TMPRSS11D: variants seen among roughly 807,000 people sequenced by gnomAD.
TMPRSS11D encodes the protein transmembrane protease serine 11D.
Under a neutral mutation model 44.4 loss-of-function variants are expected in TMPRSS11D, and 32 were observed. That is an observed-to-expected ratio of 0.72 (90% CI 0.54 to 0.97). TMPRSS11D has a LOEUF of 0.97. Among genes scored for constraint, TMPRSS11D ranks in the 50% least tolerant of loss-of-function variants. TMPRSS11D has a pLI of 0.00. For missense variants in TMPRSS11D, 446 were observed against 502.6 expected, an observed-to-expected ratio of 0.89 and a Z score of 1.08; for synonymous variants, 179 against 177.9, an observed-to-expected ratio of 1.01 and a Z score of -0.05.
chr4:67,871,327 G>C (rs1327977254), intron 1 of TMPRSS11D, among the ~76,000 whole-genome samples: 1 of 152,152 alleles, frequency 6.6e-6, no homozygotes, highest in East Asian at 1.9e-4. Context: ...TTCAGATGCT[G>C]TTTCTGATCC....
intron 3 of TMPRSS11D, among the ~76,000 whole-genome samples, chr4:67,850,709 A>G (rs961098122): frequency 5.3e-5 from 8 of 152,204 alleles, no homozygotes; most frequent in African/African-American, 1.4e-4. Context: ...TATGCCTCCA[A>G]CGGGAGCTGT....
chr4:67,857,777 G>T (rs189716695), intron 2 of TMPRSS11D, among the ~76,000 whole-genome samples: 1 of 151,914 alleles, frequency 6.6e-6, no homozygotes, highest in South Asian at 2.1e-4. Flanking sequence ...TTAGATAAAT[G>T]GTATAAGTTT....
chr4:67,882,617 C>T (rs1401503426), intron 1 of TMPRSS11D, among the ~76,000 whole-genome samples: 1 of 151,908 alleles, frequency 6.6e-6, no homozygotes, highest in East Asian at 1.9e-4. Context: ...CTTATAAGGG[C>T]AATATTTTAA....
chr4:67,854,374 A>G (rs544014865), intron 2 of TMPRSS11D, among the ~76,000 whole-genome samples, 188 bp from the exon 3 acceptor site: 1 of 152,320 alleles, frequency 6.6e-6, no homozygotes, highest in South Asian at 2.1e-4. Flanking sequence ...AGATTGGCAA[A>G]GCCAGAGTGG....
Position 67,866,423 on chromosome 4 carries a change from G to A in TMPRSS11D, c.9-6745C>T, listed in dbSNP as rs911453984. Among the ~76,000 whole-genome samples the A allele has an allele frequency of 5.9e-5, 9 of 151,890 alleles. 1 individual carries two copies. The highest frequency in any genetic ancestry group is 3.9e-4 in the Admixed American group (6 of 15,246). On this transcript the variant is annotated intron_variant, in intron 1 of 9. Transcript: ENST00000283916. ...AGGGAAAAGTTGAAAGCATTCCACC[G>A]AAGAATTGGAACAAGGCAAGGATGA...
chr4:67,880,348 T>C (rs1219722784), intron 1 of TMPRSS11D, among the ~76,000 whole-genome samples: 1 of 152,158 alleles, frequency 6.6e-6, no homozygotes, highest in Non-Finnish European at 1.5e-5. Context: ...GGCAATAGGT[T>C]TAGACAGATC....
At chr4:67,879,207 C>G (rs1227784984) in intron 1 of TMPRSS11D, among the ~76,000 whole-genome samples, 2 of 151,942 alleles carry the variant, frequency 1.3e-5, no homozygotes, top group Non-Finnish European at 2.9e-5. Flanking sequence ...TAAGGCTGGG[C>G]GCAGTGGCTC....
intron 4 of TMPRSS11D, among the ~76,000 whole-genome samples, chr4:67,841,089 G>A (rs1361604554): frequency 6.6e-6 from 1 of 152,100 alleles, no homozygotes; most frequent in Non-Finnish European, 1.5e-5. Context: ...AAATAAAGAA[G>A]CAGTCATACT....
At position 67,874,549 on chromosome 4, in the gene TMPRSS11D, A is replaced by G. The variant is rs187074914; in HGVS notation, c.8+9377T>C. Among the ~76,000 whole-genome samples the G allele has an allele frequency of 8.5e-5, 13 of 152,270 alleles. No individual in the cohort carries two copies. In the East Asian group the frequency reaches 2.3e-3, roughly 27 times the overall value. ...CCTCTATAGATAGACCTAAACCATA[A>G]CATTGGTTACAGTGTTAAAAATGTT... is the stretch of plus-strand genomic sequence containing the variant. On this transcript the variant is annotated intron_variant, in intron 1 of 9. Transcript: ENST00000283916.
intron 2 of TMPRSS11D, among the ~76,000 whole-genome samples, chr4:67,856,763 A>G (rs1274551445): frequency 1.3e-5 from 2 of 152,154 alleles, no homozygotes; most frequent in African/African-American, 4.8e-5. Flanking sequence ...CAGAATATAC[A>G]AGGACTCAAA....
At chr4:67,840,409 A>G (rs1213668116) in intron 4 of TMPRSS11D, among the ~76,000 whole-genome samples, 1 of 152,134 alleles carries the variant, frequency 6.6e-6, no homozygotes, top group Non-Finnish European at 1.5e-5. Flanking sequence ...GTTCAAGATG[A>G]GATTTTAGTG....
At chr4:67,835,354 G>A (rs1718052586) in intron 5 of TMPRSS11D, among the ~76,000 whole-genome samples, 1 of 152,022 alleles carries the variant, frequency 6.6e-6, no homozygotes, top group African/African-American at 2.4e-5. Context: ...TTGTTGTTAT[G>A]CATACTAAAG....
At chr4:67,858,672 A>T (rs1425563969) in intron 2 of TMPRSS11D, among the ~76,000 whole-genome samples, 2 of 152,088 alleles carry the variant, frequency 1.3e-5, no homozygotes, top group Non-Finnish European at 2.9e-5. Context: ...ACACATACCC[A>T]TGTACACACC....
At chr4:67,854,007 T>A in intron 3 of TMPRSS11D, 61 bp downstream of exon 3, 2 of 985,846 alleles carry the variant, frequency 2.0e-6, no homozygotes, top group South Asian at 3.3e-5. Context: ...TACAAAACAT[T>A]AGGTTTATTA....
intron 9 of TMPRSS11D, among the ~76,000 whole-genome samples, chr4:67,825,448 T>TAA (rs3037021): frequency 0.81 from 122,641 of 151,708 alleles, 50,224 homozygotes; most frequent in Middle Eastern, 0.91. Flanking sequence ...AGCTTTTAGT[T>TAA]AGAGACTTGG....
chr4:67,863,797 G>T (rs895774366), intron 1 of TMPRSS11D, among the ~76,000 whole-genome samples: 2 of 152,010 alleles, frequency 1.3e-5, no homozygotes, highest in Non-Finnish European at 2.9e-5. Context: ...AAATAAAATG[G>T]TGTATATACC....
intron 2 of TMPRSS11D, among the ~76,000 whole-genome samples, chr4:67,856,679 A>C (rs1718642894): frequency 1.3e-5 from 2 of 152,308 alleles, no homozygotes; most frequent in South Asian, 4.1e-4. Flanking sequence ...GGAAACAAGC[A>C]ACAGAATGGA....
intron 4 of TMPRSS11D, among the ~76,000 whole-genome samples, chr4:67,839,882 C>G (rs1344902366): frequency 6.6e-6 from 1 of 151,072 alleles, no homozygotes; most frequent in East Asian, 1.9e-4. Flanking sequence ...GCACAACGTG[C>G]AGGTTTGTTA....
intron 1 of TMPRSS11D, among the ~76,000 whole-genome samples, chr4:67,881,393 G>A (rs1460253639): frequency 1.3e-5 from 2 of 152,142 alleles, no homozygotes; most frequent in Non-Finnish European, 2.9e-5. Flanking sequence ...CTTCCTGTAT[G>A]CAGGCCCGTC....
Sources: gnomAD v4.1 joint callset for allele counts (sites outside exome capture counted in the v4.1 genomes callset) on GRCh38, gnomAD v4.1.1 for gene constraint, MANE v1.5 for transcripts, NCBI Gene and HGNC (gene_info 2026-07-23, HGNC 2026-07-21) for gene names.